GABRB2: variants seen among roughly 807,000 people sequenced by gnomAD.
GABRB2 encodes gamma-aminobutyric acid type A receptor subunit beta2.
GABRB2 carries 16 observed loss-of-function variants against 54.7 expected under a neutral mutation model. The observed-to-expected ratio is 0.29, with a 90% CI of 0.20 to 0.44. The LOEUF (loss-of-function observed/expected upper bound fraction) is 0.44, where lower values mean the gene tolerates loss of function less well. Among genes scored for constraint, GABRB2 ranks in the 20% least tolerant of loss-of-function variants. The pLI, the probability that GABRB2 is intolerant of heterozygous loss-of-function variation, is 1.00. For synonymous variants in GABRB2, 244 were observed against 233.8 expected (o/e 1.04, Z -0.40); for missense variants, 355 against 644.0 (o/e 0.55, Z 4.86).
chr5:161,462,077 C>T (rs901348953), intron 3 of GABRB2, among the ~76,000 whole-genome samples: 1 of 152,170 alleles, frequency 6.6e-6, no homozygotes, highest in Admixed American at 6.5e-5. Context: ...AGAAAACACA[C>T]ACATTTTGAC....
At chr5:161,487,739 G>A (rs934320476) in intron 3 of GABRB2, among the ~76,000 whole-genome samples, 3 of 151,874 alleles carry the variant, frequency 2.0e-5, no homozygotes, top group Non-Finnish European at 4.4e-5. Flanking sequence ...AAAATAACAT[G>A]TAAAAAGCTC....
At chr5:161,349,285 T>G (rs1341822295) in intron 5 of GABRB2, among the ~76,000 whole-genome samples, 3 of 151,822 alleles carry the variant, frequency 2.0e-5, no homozygotes, top group Non-Finnish European at 4.4e-5. Context: ...ACGGGACCTA[T>G]GAGAGATATT....
At chr5:161,392,079 C>G (rs184280079) in intron 5 of GABRB2, among the ~76,000 whole-genome samples, 143 of 152,250 alleles carry the variant, frequency 9.4e-4, no homozygotes, top group Admixed American at 2.0e-3. Context: ...ATTTCAGTAC[C>G]ATGACAGCAG....
intron 5 of GABRB2, among the ~76,000 whole-genome samples, chr5:161,356,568 TGA>T (rs902378489): frequency 6.6e-6 from 1 of 151,912 alleles, no homozygotes; most frequent in Admixed American, 6.6e-5. Context: ...ATTGAGAGAG[TGA>T]GTCAGTTCAT....
At chr5:161,349,442 A>G (rs1210111829) in intron 5 of GABRB2, among the ~76,000 whole-genome samples, 1 of 152,090 alleles carries the variant, frequency 6.6e-6, no homozygotes, top group Non-Finnish European at 1.5e-5. Flanking sequence ...TGCTGTGGTG[A>G]TTTGAAATAT....
chr5:161,370,879 C>G (rs1580925456), intron 5 of GABRB2, among the ~76,000 whole-genome samples: 1 of 152,060 alleles, frequency 6.6e-6, no homozygotes, highest in African/African-American at 2.4e-5. Flanking sequence ...AACAAGTAAC[C>G]CCAGACTTTA....
At chr5:161,428,305 G>A (rs1172757819) in intron 4 of GABRB2, among the ~76,000 whole-genome samples, 1 of 151,880 alleles carries the variant, frequency 6.6e-6, no homozygotes, top group Non-Finnish European at 1.5e-5. Flanking sequence ...GTGTGTGTGT[G>A]TGTGTGTGTG....
intron 4 of GABRB2, among the ~76,000 whole-genome samples, chr5:161,435,145 C>A (rs10070166): frequency 0.24 from 37,191 of 151,822 alleles, 5,296 homozygotes; most frequent in African/African-American, 0.39. Context: ...AAAATTATAC[C>A]AGTTTTGAAA....
intron 5 of GABRB2, among the ~76,000 whole-genome samples, chr5:161,371,416 C>G (rs182578317): frequency 1.3e-5 from 2 of 152,218 alleles, no homozygotes; most frequent in Admixed American, 1.3e-4. Flanking sequence ...ACAATTCAAT[C>G]TCTTTTAATA....
rs544372535 is a variant in GABRB2, at chr5:161,401,343, C to T, written c.541+9632G>A. On this transcript the variant is annotated intron_variant, in intron 5 of 9. Transcript: ENST00000393959. ...ATACAAAAATAACTATATTTCAATTCTAAATGTACTTGGGGTCCCCTTTAC... is the reference window on the plus strand; with the variant it reads ...ATACAAAAATAACTATATTTCAATTTTAAATGTACTTGGGGTCCCCTTTAC... Among the ~76,000 whole-genome samples, 80 of 152,266 alleles carry T rather than the reference C, an allele frequency of 5.3e-4. No homozygotes were observed. In the Middle Eastern group the frequency reaches 0.01, roughly 19 times the overall value.
At chr5:161,380,866 A>T (rs886351028) in intron 5 of GABRB2, among the ~76,000 whole-genome samples, 3 of 18,412 alleles carry the variant, frequency 1.6e-4, no homozygotes, top group African/African-American at 3.0e-4. Flanking sequence ...TTACAAGGGT[A>T]AAAAAAAAAG....
chr5:161,457,739 C>T (rs1758001996), intron 4 of GABRB2, among the ~76,000 whole-genome samples: 1 of 152,108 alleles, frequency 6.6e-6, no homozygotes. Context: ...AGCCACTGCG[C>T]TCAGCCCCCT....
chr5:161,400,222 C>T (rs911769477), intron 5 of GABRB2, among the ~76,000 whole-genome samples: 1 of 152,094 alleles, frequency 6.6e-6, no homozygotes, highest in Admixed American at 6.6e-5. Context: ...TGTATTTACG[C>T]CTCTGGCTTA....
chr5:161,522,085 C>T (rs1473523071), intron 3 of GABRB2, among the ~76,000 whole-genome samples: 7 of 151,736 alleles, frequency 4.6e-5, no homozygotes, highest in Non-Finnish European at 1.5e-5. Context: ...ACGTGCAATC[C>T]TATGCTATTT....
intron 9 of GABRB2, among the ~76,000 whole-genome samples, chr5:161,313,390 G>T (rs904823826): frequency 2.0e-5 from 3 of 151,786 alleles, no homozygotes; most frequent in African/African-American, 7.3e-5. Flanking sequence ...TTTTCAGATG[G>T]AATGTACCTT....
At chr5:161,319,543 C>A (rs1300645004) in intron 9 of GABRB2, among the ~76,000 whole-genome samples, 1 of 150,788 alleles carries the variant, frequency 6.6e-6, no homozygotes, top group South Asian at 2.1e-4. Flanking sequence ...CTGTATTTTC[C>A]TGATTTCAGT....
chr5:161,477,195 A>G (rs991943289), intron 3 of GABRB2, among the ~76,000 whole-genome samples: 3 of 151,602 alleles, frequency 2.0e-5, no homozygotes, highest in Non-Finnish European at 4.4e-5. Context: ...AAAATCACTA[A>G]TCATTATAAA....
Position 161,336,624 on chromosome 5 carries a change from A to G in GABRB2, c.679+8T>C, listed in dbSNP as rs1188818941. 3 of 1,612,744 alleles carry G rather than the reference A, an allele frequency of 1.9e-6. No homozygotes were observed. The highest frequency in any genetic ancestry group is 2.5e-6 in the Non-Finnish European group (3 of 1,179,244). ...TATTTTCCCTTAACACTTTTCCATG[A>G]TACAAACCTGTGGAAAAAACAACCT... On this transcript the variant is annotated splice_region_variant and intron_variant, in intron 6 of 9. Coordinates refer to ENST00000393959, the MANE Select transcript of GABRB2 (RefSeq NM_001371727.1).
chr5:161,379,853 A>AGTGT (rs1038409635), intron 5 of GABRB2, among the ~76,000 whole-genome samples: 6 of 152,132 alleles, frequency 3.9e-5, no homozygotes, highest in Non-Finnish European at 5.9e-5. Flanking sequence ...CCAGTGCCAC[A>AGTGT]GTGTGAAAGG....
Sources: gnomAD v4.1 joint callset for allele counts (sites outside exome capture counted in the v4.1 genomes callset) on GRCh38, gnomAD v4.1.1 for gene constraint, MANE v1.5 for transcripts, NCBI Gene and HGNC (gene_info 2026-07-23, HGNC 2026-07-21) for gene names.